SYT1: variants seen among roughly 807,000 people sequenced by gnomAD.
The protein encoded by SYT1 is synaptotagmin-1.
SYT1 carries 8 observed loss-of-function variants against 44.8 expected under a neutral mutation model. That is an observed-to-expected ratio of 0.18 (90% CI 0.10 to 0.32). The LOEUF is 0.32. Among genes scored for constraint, SYT1 ranks in the 10% least tolerant of loss-of-function variants. The pLI is 1.00. For missense variants in SYT1, 286 were observed against 509.3 expected, an observed-to-expected ratio of 0.56 and a Z score of 4.22; for synonymous variants, 154 against 188.8, an observed-to-expected ratio of 0.82 and a Z score of 1.51.
intron 1 of SYT1, among the ~76,000 whole-genome samples, chr12:78,967,673 A>C (rs1353565102): frequency 2.0e-5 from 3 of 152,166 alleles, no homozygotes; most frequent in Non-Finnish European, 4.4e-5. Context: ...CTATGAGCAG[A>C]TAGCCATCAG....
At chr12:78,920,335 T>C (rs915005441) in intron 1 of SYT1, among the ~76,000 whole-genome samples, 2 of 151,898 alleles carry the variant, frequency 1.3e-5, no homozygotes, top group African/African-American at 4.8e-5. Flanking sequence ...TGTGACTGGG[T>C]TGTCTTATGA....
At chr12:79,015,626 C>T (rs1871758204) in intron 2 of SYT1, among the ~76,000 whole-genome samples, 1 of 152,046 alleles carries the variant, frequency 6.6e-6, no homozygotes, top group Non-Finnish European at 1.5e-5. Context: ...GTCTAATGGA[C>T]CGAAGTAAAT....
At chr12:78,973,876 T>A (rs1463821057) in intron 1 of SYT1, among the ~76,000 whole-genome samples, 1 of 132,824 alleles carries the variant, frequency 7.5e-6, no homozygotes, top group Non-Finnish European at 1.6e-5. Flanking sequence ...TCTTGTAGAT[T>A]TTCAAAGCAA....
chr12:79,280,649 A>G (rs1482110558), intron 4 of SYT1, among the ~76,000 whole-genome samples: 1 of 152,018 alleles, frequency 6.6e-6, no homozygotes, highest in African/African-American at 2.4e-5. Flanking sequence ...AAACAAAAAT[A>G]AATAAATAGG....
intron 3 of SYT1, among the ~76,000 whole-genome samples, chr12:79,053,431 A>G (rs1874681180): frequency 6.6e-6 from 1 of 151,994 alleles, no homozygotes; most frequent in South Asian, 2.1e-4. Context: ...TGGGTGCAGC[A>G]CACCAACACG....
intron 6 of SYT1, among the ~76,000 whole-genome samples, chr12:79,294,478 T>C (rs963311216): frequency 1.3e-5 from 2 of 152,122 alleles, no homozygotes; most frequent in African/African-American, 4.8e-5. Context: ...CCTAAAATAT[T>C]CTAATTAAGA....
chr12:78,962,218 C>A (rs981436045), intron 1 of SYT1, among the ~76,000 whole-genome samples: 24 of 151,806 alleles, frequency 1.6e-4, no homozygotes, highest in African/African-American at 5.6e-4. Context: ...TATAATGGAG[C>A]AAACATACAT....
Position 79,035,400 on chromosome 12 carries a change from C to T in SYT1, c.-83-11897C>T, listed in dbSNP as rs1161313695. On this transcript the variant is annotated intron_variant, in intron 2 of 10. Coordinates refer to ENST00000261205, the MANE Select transcript of SYT1 (RefSeq NM_005639.3). ...GAAATGTGCAGAGTTTAGGCAGTTA[C>T]CTTAGAGCACTTTGTAAAGATTTTT... 2.6e-5 allele frequency among the ~76,000 whole-genome samples: 4 copies of T among 151,678 alleles called. No homozygotes were observed. In the East Asian group the frequency reaches 5.8e-4, roughly 22 times the overall value.
intron 4 of SYT1, among the ~76,000 whole-genome samples, chr12:79,244,777 A>G (rs1030478668): frequency 1.1e-4 from 16 of 151,574 alleles, no homozygotes; most frequent in African/African-American, 3.1e-4. Context: ...AAGTTTCCAC[A>G]CATCTCAGTT....
intron 1 of SYT1, among the ~76,000 whole-genome samples, chr12:78,935,160 A>G (rs1877982476): frequency 6.6e-6 from 1 of 152,200 alleles, no homozygotes; most frequent in Non-Finnish European, 1.5e-5. Context: ...GTGGGCAACC[A>G]TAGGAAGCAA....
At chr12:79,360,269 T>G (rs1883269573) in intron 9 of SYT1, among the ~76,000 whole-genome samples, 2 of 152,150 alleles carry the variant, frequency 1.3e-5, no homozygotes, top group Non-Finnish European at 2.9e-5. Flanking sequence ...AATAAGAAGT[T>G]CTATTTCTTT....
chr12:79,074,768 C>A (rs935891832), intron 3 of SYT1, among the ~76,000 whole-genome samples: 1 of 152,088 alleles, frequency 6.6e-6, no homozygotes, highest in Non-Finnish European at 1.5e-5. Context: ...TCAGCTGATG[C>A]TCTTGGGCTT....
At chr12:79,401,906 C>A (rs528315975) in intron 9 of SYT1, among the ~76,000 whole-genome samples, 1 of 152,026 alleles carries the variant, frequency 6.6e-6, no homozygotes, top group East Asian at 1.9e-4. Context: ...TGGGCTCAAG[C>A]GATCCTCCCA....
intron 2 of SYT1, among the ~76,000 whole-genome samples, chr12:78,984,514 T>C (rs1205104656): frequency 6.6e-6 from 1 of 151,866 alleles, no homozygotes; most frequent in East Asian, 1.9e-4. Context: ...GGATTTAATA[T>C]CCAGAATATA....
At chr12:78,876,202 G>A (rs557471203) in intron 1 of SYT1, among the ~76,000 whole-genome samples, 5 of 151,522 alleles carry the variant, frequency 3.3e-5, no homozygotes, top group Admixed American at 6.6e-5. Flanking sequence ...AGCATTAACC[G>A]GAAATTATTT....
intron 4 of SYT1, among the ~76,000 whole-genome samples, chr12:79,250,635 A>G (rs1263325407): frequency 6.6e-6 from 1 of 152,228 alleles, no homozygotes; most frequent in Non-Finnish European, 1.5e-5. Flanking sequence ...TCATTTTGTT[A>G]TAATAACCCA....
chr12:79,249,469 C>G (rs1363132497), intron 4 of SYT1, among the ~76,000 whole-genome samples: 1 of 152,126 alleles, frequency 6.6e-6, no homozygotes, highest in Non-Finnish European at 1.5e-5. Context: ...AAATCACATG[C>G]ATCCAGAGGA....
rs574643762 is a variant in SYT1 at position 78,913,968 on chromosome 12, A to C, written c.-217+48859A>C. 2.4e-4 allele frequency among the ~76,000 whole-genome samples: 36 copies of C among 152,016 alleles called. 1 individual carries two copies. In the South Asian group the frequency reaches 4.6e-3, roughly 19 times the overall value. ...GAATTGGGTTTGCCTTGAGAAAATC[A>C]GTTAATTTCTTTAAGTTTCAGTTTC... On this transcript the variant is annotated intron_variant, in intron 1 of 10. Coordinates refer to ENST00000261205, the MANE Select transcript of SYT1 (RefSeq NM_005639.3).
intron 1 of SYT1, among the ~76,000 whole-genome samples, chr12:78,876,725 T>C (rs1284492371): frequency 1.8e-5 from 2 of 113,448 alleles, no homozygotes; most frequent in South Asian, 2.4e-4. Context: ...TTATATAATA[T>C]AATTATATAT....
Sources: gnomAD v4.1 joint callset for allele counts (sites outside exome capture counted in the v4.1 genomes callset) on GRCh38, gnomAD v4.1.1 for gene constraint, MANE v1.5 for transcripts, NCBI Gene and HGNC (gene_info 2026-07-23, HGNC 2026-07-21) for gene names.